PARD3: variants seen among roughly 807,000 people sequenced by gnomAD.
The protein encoded by PARD3 is par-3 family cell polarity regulator, also known as partitioning defective 3 homolog.
Under a neutral mutation model 155.4 loss-of-function variants are expected in PARD3, and 75 were observed. The observed-to-expected ratio is 0.48, with a 90% confidence interval of 0.40 to 0.58. PARD3 has a LOEUF of 0.58. PARD3 is among the 20% of genes least tolerant of loss of function. The pLI is 0.00. For missense variants in PARD3, 1,642 were observed against 1,721.7 expected (o/e 0.95, Z 0.82); for synonymous variants, 576 against 610.5 (o/e 0.94, Z 0.83).
At chr10:34,630,655 T>C (rs2092223504) in intron 2 of PARD3, among the ~76,000 whole-genome samples, 1 of 151,930 alleles carries the variant, frequency 6.6e-6, no homozygotes. Context: ...TTCACCATGT[T>C]GGTGTCTCAA....
At chr10:34,616,937 A>AC (rs1175786082) in intron 2 of PARD3, among the ~76,000 whole-genome samples, 1 of 151,582 alleles carries the variant, frequency 6.6e-6, no homozygotes, top group East Asian at 1.9e-4. Flanking sequence ...TCTCAAAAAA[A>AC]AAAAAAAAAA....
At chr10:34,229,859 CT>C (rs1366393895) in intron 22 of PARD3, among the ~76,000 whole-genome samples, 1 of 152,078 alleles carries the variant, frequency 6.6e-6, no homozygotes, top group Non-Finnish European at 1.5e-5. Context: ...AGAAACATGT[CT>C]TTCATTTTAT....
At chr10:34,367,662 C>T (rs1840107724) in intron 12 of PARD3, among the ~76,000 whole-genome samples, 1 of 152,140 alleles carries the variant, frequency 6.6e-6, no homozygotes, top group South Asian at 2.1e-4. Flanking sequence ...GAGATCGAGC[C>T]ACTGCACTCC....
intron 12 of PARD3, among the ~76,000 whole-genome samples, chr10:34,365,900 TA>T (rs1162316092): frequency 1.3e-5 from 2 of 152,078 alleles, no homozygotes; most frequent in African/African-American, 2.4e-5. Flanking sequence ...GAAAATCATT[TA>T]AAAAAATACA....
At chr10:34,288,080 A>G (rs1414229333) in intron 20 of PARD3, among the ~76,000 whole-genome samples, 1 of 151,986 alleles carries the variant, frequency 6.6e-6, no homozygotes, top group Non-Finnish European at 1.5e-5. Context: ...GTGTGGTGGT[A>G]CACACCTGTA....
At chr10:34,744,151 C>T (rs563836497) in intron 1 of PARD3, among the ~76,000 whole-genome samples, 12 of 152,306 alleles carry the variant, frequency 7.9e-5, no homozygotes, top group Non-Finnish European at 1.5e-4. Flanking sequence ...GGCCAAATGG[C>T]TCTCCATGGT....
intron 2 of PARD3, among the ~76,000 whole-genome samples, chr10:34,622,827 C>CTTTTTTT (rs567045063): frequency 2.6e-5 from 3 of 113,484 alleles, no homozygotes; most frequent in South Asian, 2.9e-4. Context: ...TTCTTTTTTT[C>CTTTTTTT]TTTTTTTTTT....
rs115538712 is a variant in PARD3, at chr10:34,153,400, C to T, written c.3420-21817G>A. 4.9e-3 allele frequency among the ~76,000 whole-genome samples: 746 copies of T among 152,344 alleles called. 7 individuals carry two copies. Among genetic ancestry groups the T allele is most frequent in the African/African-American group, 0.017 (707 of 41,572 alleles). ...ACATATTCATGAGTGCAGAGACACA[C>T]ACACGTATAATAAACTTTTAGTCCA... is the stretch of plus-strand genomic sequence containing the variant. On this transcript the variant is annotated intron_variant, in intron 22 of 24. Coordinates refer to ENST00000374788, the MANE Select transcript of PARD3 (RefSeq NM_001184785.2).
chr10:34,438,415 C>A (rs1314263123), intron 5 of PARD3, among the ~76,000 whole-genome samples: 1 of 152,086 alleles, frequency 6.6e-6, no homozygotes, highest in Non-Finnish European at 1.5e-5. Flanking sequence ...ATGAGGTTTA[C>A]AAATGTACAT....
chr10:34,497,000 T>C (rs991689782), intron 3 of PARD3, among the ~76,000 whole-genome samples: 2 of 152,184 alleles, frequency 1.3e-5, no homozygotes, highest in Admixed American at 6.5e-5. Context: ...CGTAGGAGTA[T>C]AGATGCAGCA....
rs1211612202 is a variant in PARD3 at position 34,157,720 on chromosome 10, C to CTTGT, written c.3420-26138_3420-26137insACAA. Among the ~76,000 whole-genome samples the CTTGT allele has an allele frequency of 2.0e-5, 3 of 152,310 alleles. No individual in the cohort carries two copies. In the East Asian group the frequency reaches 5.8e-4, roughly 29 times the overall value. Reference sequence around the variant, plus strand: ...TCATCTGCTTCCTATAGAGGGTTCCCTATTCCCAATGACACATGCCCAAAT... The same window carrying CTTGT: ...TCATCTGCTTCCTATAGAGGGTTCCCTTGTTATTCCCAATGACACATGCCCAAAT... On this transcript the variant is annotated intron_variant, in intron 22 of 24. Coordinates refer to ENST00000374788, the MANE Select transcript of PARD3 (RefSeq NM_001184785.2).
chr10:34,658,190 T>C (rs1315857130), intron 2 of PARD3, among the ~76,000 whole-genome samples: 2 of 151,836 alleles, frequency 1.3e-5, no homozygotes, highest in African/African-American at 2.4e-5. Flanking sequence ...TTTATTCAAA[T>C]GTTTTTTTAA....
intron 5 of PARD3, among the ~76,000 whole-genome samples, chr10:34,405,388 A>G (rs11009773): frequency 0.041 from 6,185 of 152,218 alleles, 402 homozygotes; most frequent in African/African-American, 0.14. Flanking sequence ...AATATGAAAC[A>G]TATTACCCAC....
intron 2 of PARD3, among the ~76,000 whole-genome samples, chr10:34,617,593 A>G (rs898663761): frequency 2.9e-4 from 44 of 152,364 alleles, no homozygotes; most frequent in Non-Finnish European, 1.0e-4. Flanking sequence ...ATAAATATGT[A>G]TAATTTTTGT....
At chr10:34,403,676 C>A (rs920643345) in intron 5 of PARD3, among the ~76,000 whole-genome samples, 8 of 152,120 alleles carry the variant, frequency 5.3e-5, no homozygotes, top group Admixed American at 5.2e-4. Flanking sequence ...TCTTGAGAGG[C>A]TCTAATATGT....
chr10:34,719,364 T>C (rs756877479), intron 1 of PARD3, among the ~76,000 whole-genome samples: 1 of 152,208 alleles, frequency 6.6e-6, no homozygotes, highest in Non-Finnish European at 1.5e-5. Context: ...ATTTTAAGGA[T>C]TATTTCATTT....
chr10:34,681,148 A>G (rs1045918752), intron 2 of PARD3, among the ~76,000 whole-genome samples: 1 of 152,198 alleles, frequency 6.6e-6, no homozygotes, highest in Non-Finnish European at 1.5e-5. Context: ...ACAGAAATAG[A>G]GTAAGCTTTT....
intron 2 of PARD3, among the ~76,000 whole-genome samples, chr10:34,548,772 G>A (rs1038917674): frequency 6.6e-6 from 1 of 151,446 alleles, no homozygotes. Flanking sequence ...CCTTTTATTG[G>A]CTTTAGTTTT....
At chr10:34,413,557 C>T (rs1335066108) in intron 5 of PARD3, among the ~76,000 whole-genome samples, 2 of 151,932 alleles carry the variant, frequency 1.3e-5, no homozygotes, top group Non-Finnish European at 2.9e-5. Flanking sequence ...AGTCTCATAG[C>T]CCTTTTATCC....
Sources: allele counts gnomAD v4.1 joint callset (sites outside exome capture counted in the v4.1 genomes callset), GRCh38; gene constraint gnomAD v4.1.1; transcripts MANE v1.5; gene names NCBI Gene and HGNC (gene_info 2026-07-23, HGNC 2026-07-21).